Variants in RBFOX1 observed in about 807,000 individuals in gnomAD.
RBFOX1 encodes the protein RNA binding fox-1 homolog 1.
Under a neutral mutation model 57.7 loss-of-function variants are expected in RBFOX1, and 8 were observed. The observed-to-expected ratio is 0.14, with a 90% CI of 0.08 to 0.25. RBFOX1 has a LOEUF of 0.25. Among genes scored for constraint, RBFOX1 ranks in the 10% least tolerant of loss-of-function variants. RBFOX1 has a pLI of 1.00. For missense variants in RBFOX1, 611 were observed against 548.5 expected (o/e 1.11, Z -1.14); for synonymous variants, 326 against 222.4 (o/e 1.47, Z -4.15).
At chr16:5,447,101 G>A (rs527258406) in intron 1 of RBFOX1, among the ~76,000 whole-genome samples, 4 of 152,204 alleles carry the variant, frequency 2.6e-5, no homozygotes, top group South Asian at 2.1e-4. Context: ...TGTGACTACC[G>A]CATGAGCCCC....
At chr16:5,830,613 A>C (rs559994196) in intron 3 of RBFOX1, among the ~76,000 whole-genome samples, 1 of 152,220 alleles carries the variant, frequency 6.6e-6, no homozygotes, top group South Asian at 2.1e-4. Context: ...GGGAGGTGAG[A>C]AAAGATGTAT....
At chr16:6,414,531 G>A (rs1474811473) in intron 2 of RBFOX1, among the ~76,000 whole-genome samples, 5 of 152,132 alleles carry the variant, frequency 3.3e-5, no homozygotes, top group African/African-American at 7.2e-5. Flanking sequence ...GATAGTTTCC[G>A]GCAGTGACAA....
At chr16:6,457,950 C>G (rs2094817317) in intron 2 of RBFOX1, among the ~76,000 whole-genome samples, 1 of 151,538 alleles carries the variant, frequency 6.6e-6, no homozygotes, top group African/African-American at 2.4e-5. Flanking sequence ...ACATGGTGGT[C>G]ACGTACATGT....
rs1317064729 is a variant in RBFOX1, at chr16:5,424,859, CTTCT to C, written c.220-42346_220-42343del. On this transcript the variant is annotated intron_variant, in intron 1 of 2. Transcript: ENST00000585867. ...TTTCTTTCTTTCTTTCTCTCTCTCTCTTCTTTCTTTCTTTTTTTTCTTTCTTTCT... is the reference window on the plus strand; with the variant it reads ...TTTCTTTCTTTCTTTCTCTCTCTCTCTTCTTTCTTTTTTTTCTTTCTTTCT... Among the ~76,000 whole-genome samples the C allele has an allele frequency of 2.2e-3, 321 of 143,224 alleles. 2 individuals carry two copies. The highest frequency in any genetic ancestry group is 4.2e-3 in the African/African-American group (150 of 35,810). The allele number at this position is 143,224 out of a possible 152,430, so 94.0% of individuals were successfully genotyped here. A position where few individuals can be genotyped will look rare whatever the true frequency, so the allele number is the denominator to read the frequency against.
In RBFOX1 at chr16:6,267,323, C is replaced by G. The variant is rs551342339; in HGVS notation, c.-126-49672C>G. ...ATCATGTTTCTTAGGTCAATGAACT[C>G]TACTCATATTATTTGGTGATTTGTT... On this transcript the variant is annotated intron_variant, in intron 1 of 15. Coordinates refer to ENST00000550418, the MANE Select transcript of RBFOX1 (RefSeq NM_018723.4). Among the ~76,000 whole-genome samples the G allele has an allele frequency of 5.8e-4, 89 of 152,288 alleles. 5 individuals are homozygous for G. The South Asian group carries it at 0.018, about 31-fold the overall frequency.
chr16:7,512,989 C>A (rs965121700), intron 4 of RBFOX1, among the ~76,000 whole-genome samples: 2 of 152,148 alleles, frequency 1.3e-5, no homozygotes, highest in African/African-American at 2.4e-5. Flanking sequence ...AGTGGACAGG[C>A]GCGGTGGCTC....
chr16:7,122,866 A>G (rs1465277512), intron 4 of RBFOX1, among the ~76,000 whole-genome samples: 1 of 152,218 alleles, frequency 6.6e-6, no homozygotes, highest in African/African-American at 2.4e-5. Flanking sequence ...CTACTGAACA[A>G]TAAAAAGGAG....
At chr16:7,147,475 C>T (rs767911236) in intron 4 of RBFOX1, among the ~76,000 whole-genome samples, 1 of 151,982 alleles carries the variant, frequency 6.6e-6, no homozygotes, top group Non-Finnish European at 1.5e-5. Context: ...TTCCCACTCC[C>T]CTGCATCTCA....
chr16:7,027,590 A>C (rs1237647228), intron 3 of RBFOX1, among the ~76,000 whole-genome samples: 6 of 152,090 alleles, frequency 3.9e-5, no homozygotes, highest in African/African-American at 7.2e-5. Flanking sequence ...GTACTTAGAA[A>C]TACCCAGCCA....
chr16:6,617,529 TG>T (rs1369493710), intron 2 of RBFOX1, among the ~76,000 whole-genome samples: 5 of 151,958 alleles, frequency 3.3e-5, no homozygotes, highest in African/African-American at 9.7e-5. Context: ...CCTATAGAGA[TG>T]AGATCAAGAT....
intron 3 of RBFOX1, among the ~76,000 whole-genome samples, chr16:5,735,174 T>C (rs2052527230): frequency 6.6e-6 from 1 of 152,180 alleles, no homozygotes; most frequent in Non-Finnish European, 1.5e-5. Flanking sequence ...CTAGGAAATA[T>C]GATGGAACCA....
Position 7,120,830 on chromosome 16 carries a change from T to TATACACACACACACACACAC in RBFOX1, c.27+68733_27+68734insTACACACACACACACACACA, listed in dbSNP as rs1226442313. Among the ~76,000 whole-genome samples, 21 of 86,596 alleles carry TATACACACACACACACACAC rather than the reference T, an allele frequency of 2.4e-4. 1 individual carries two copies. The highest frequency in any genetic ancestry group is 3.5e-4 in the African/African-American group (9 of 25,610). 56.8% of individuals were successfully genotyped at this position (86,596 alleles called of 152,430 possible). ...ATGTAATATTTTATATATGTATATA[T>TATACACACACACACACACAC]ACACACACACACACACACACACACA... On this transcript the variant is annotated intron_variant, in intron 4 of 15. Coordinates refer to ENST00000550418, the MANE Select transcript of RBFOX1 (RefSeq NM_018723.4).
chr16:6,979,722 C>G (rs1206368435), intron 3 of RBFOX1, among the ~76,000 whole-genome samples: 1 of 152,132 alleles, frequency 6.6e-6, no homozygotes, highest in African/African-American at 2.4e-5. Context: ...AATTTGAAGG[C>G]TGTGATCATT....
intron 3 of RBFOX1, among the ~76,000 whole-genome samples, chr16:6,798,142 A>C (rs1030683940): frequency 3.3e-5 from 5 of 152,144 alleles, no homozygotes; most frequent in African/African-American, 1.2e-4. Flanking sequence ...TCTCATTGTG[A>C]TTAGCAGAAC....
At chr16:6,832,817 C>A (rs976476873) in intron 3 of RBFOX1, among the ~76,000 whole-genome samples, 2 of 152,344 alleles carry the variant, frequency 1.3e-5, no homozygotes, top group African/African-American at 4.8e-5. Context: ...TGTTTTCATT[C>A]ATTTATTGAT....
chr16:5,750,950 C>T (rs62014101), intron 3 of RBFOX1, among the ~76,000 whole-genome samples: 20,110 of 152,160 alleles, frequency 0.13, 1,446 homozygotes, highest in South Asian at 0.19. Flanking sequence ...TTCTGCGTTG[C>T]TCACGCTGGG....
chr16:6,126,500 A>T (rs955554469), intron 1 of RBFOX1, among the ~76,000 whole-genome samples: 1 of 152,200 alleles, frequency 6.6e-6, no homozygotes, highest in Non-Finnish European at 1.5e-5. Flanking sequence ...AAAGATAGTT[A>T]TGTAATATGC....
intron 3 of RBFOX1, among the ~76,000 whole-genome samples, chr16:6,847,823 C>T (rs905641640): frequency 1.3e-5 from 2 of 151,910 alleles, no homozygotes; most frequent in Non-Finnish European, 2.9e-5. Context: ...AAATTATTCC[C>T]ACCAAGACTT....
At chr16:7,694,877 C>T (rs746981105) in intron 14 of RBFOX1, among the ~76,000 whole-genome samples, 3 of 152,132 alleles carry the variant, frequency 2.0e-5, no homozygotes, top group African/African-American at 4.8e-5. Flanking sequence ...TGCCTCAGTG[C>T]ACTAGAGCTT....
Sources: allele counts gnomAD v4.1 joint callset (sites outside exome capture counted in the v4.1 genomes callset), GRCh38; gene constraint gnomAD v4.1.1; transcripts MANE v1.5; gene names NCBI Gene and HGNC (gene_info 2026-07-23, HGNC 2026-07-21).